The following WLS variants were observed in gnomAD, a reference collection of about 807,000 sequenced individuals.
WLS encodes the protein Wnt ligand secretion mediator, also known as protein wntless homolog.
In WLS, 23 loss-of-function variants were observed where a neutral mutation model predicts 62.8. That is an observed-to-expected ratio of 0.37 (90% CI 0.26 to 0.52). The LOEUF (loss-of-function observed/expected upper bound fraction) is 0.52. Among genes scored for constraint, WLS ranks in the 20% least tolerant of loss-of-function variants. The probability of loss-of-function intolerance (pLI) is 0.92; values close to 1 mark genes in which losing one functional copy is unlikely to be tolerated. For missense variants in WLS, 615 were observed against 697.3 expected (o/e 0.88, Z 1.33); for synonymous variants, 246 against 244.1 (o/e 1.01, Z -0.07).
chr1:68,098,464 G>T (rs1374385203), downstream of WLS: 8 of 1,077,684 alleles, frequency 7.4e-6, no homozygotes, highest in Non-Finnish European at 1.0e-5. Flanking sequence ...GGATGTAAGA[G>T]AAGTAAGACA....
intron 2 of WLS, among the ~76,000 whole-genome samples, chr1:68,188,602 C>A (rs1329288766): frequency 6.6e-6 from 1 of 152,116 alleles, no homozygotes; most frequent in Non-Finnish European, 1.5e-5. Flanking sequence ...ATAGAAAATA[C>A]CTAGGAAGGC....
In WLS at chr1:68,125,912, A is replaced by AC. The variant is rs765341589; in HGVS notation, c.*313dup. 1 of 1,011,690 alleles carries AC rather than the reference A, an allele frequency of 9.9e-7. No homozygotes were observed. Among genetic ancestry groups the AC allele is most frequent in the Non-Finnish European group, 1.2e-6 (1 of 836,314 alleles). 62.7% of individuals were successfully genotyped at this position (1,011,690 alleles called of 1,614,324 possible). On this transcript the variant is annotated 3_prime_UTR_variant, in exon 12 of 12. Coordinates refer to ENST00000262348, the MANE Select transcript of WLS (RefSeq NM_024911.7). Reference sequence around the variant, plus strand: ...ACCATCCCCCAAGGAATACACCCCCACCCCACCCCCACATGAGGTTTACTA... The same window carrying AC: ...ACCATCCCCCAAGGAATACACCCCCACCCCCACCCCCACATGAGGTTTACTA...
chr1:68,230,596 T>C (rs898447618), intron 1 of WLS, among the ~76,000 whole-genome samples: 5 of 151,702 alleles, frequency 3.3e-5, no homozygotes, highest in Non-Finnish European at 4.4e-5. Flanking sequence ...CGCGTGTGTG[T>C]GTGTGTGTGT....
In WLS at chr1:68,159,212, C is replaced by T. The variant is rs1646939901; in HGVS notation, c.415G>A (p.Ala139Thr). 6.2e-7 allele frequency: 1 copy of T among 1,614,014 alleles called. No individual in the cohort carries two copies. Among genetic ancestry groups the T allele is most frequent in the East Asian group, 2.2e-5 (1 of 44,874 alleles). ...TCAGCAAACGCGTCATCACGGTAAG[C>T]CAGGGAAACGTCCATGGAGACTTCT... ...NAEVSMDVSL[A>T]YRDDAFAEWT... is the part of the protein sequence containing the mutation. Residue 139 changes from alanine to threonine, a missense_variant, in exon 3 of 12, where the codon GCT (alanine) becomes ACT (threonine). Coordinates refer to ENST00000262348, the MANE Select transcript of WLS (RefSeq NM_024911.7).
chr1:68,182,995 G>A (rs1012678951), intron 2 of WLS, among the ~76,000 whole-genome samples: 1 of 152,148 alleles, frequency 6.6e-6, no homozygotes, highest in Non-Finnish European at 1.5e-5. Context: ...CCACCTCCCA[G>A]GTTCAAGTGA....
intron 11 of WLS, among the ~76,000 whole-genome samples, chr1:68,102,325 G>A (rs1021840458): frequency 6.6e-6 from 1 of 152,120 alleles, no homozygotes; most frequent in Admixed American, 6.5e-5. Context: ...TAAACAGCGG[G>A]CTCTCTTGTT....
intron 2 of WLS, among the ~76,000 whole-genome samples, chr1:68,183,078 G>A (rs907321247): frequency 6.6e-6 from 1 of 152,056 alleles, no homozygotes; most frequent in Non-Finnish European, 1.5e-5. Flanking sequence ...TTTTTGTATA[G>A]ACAGGGTTTC....
intron 1 of WLS, among the ~76,000 whole-genome samples, chr1:68,226,365 A>T (rs1650141785): frequency 1.3e-5 from 2 of 152,184 alleles, no homozygotes; most frequent in South Asian, 4.1e-4. Flanking sequence ...CAGTTCCCTT[A>T]CATGTAAAAG....
intron 11 of WLS, among the ~76,000 whole-genome samples, chr1:68,099,969 T>A (rs1316004147): frequency 6.6e-6 from 1 of 152,226 alleles, no homozygotes; most frequent in Non-Finnish European, 1.5e-5. Context: ...TTGGTGCACA[T>A]AAAGTTCTTA....
intron 2 of WLS, among the ~76,000 whole-genome samples, chr1:68,172,685 A>T (rs1197368866): frequency 2.6e-5 from 4 of 152,186 alleles, no homozygotes; most frequent in African/African-American, 9.7e-5. Context: ...CTTCTGGCTC[A>T]CCCTACTGAG....
At chr1:68,176,848 T>C (rs1028669489) in intron 2 of WLS, among the ~76,000 whole-genome samples, 1 of 152,210 alleles carries the variant, frequency 6.6e-6, no homozygotes, top group Non-Finnish European at 1.5e-5. Context: ...CAGAGGACAG[T>C]AGAGATTTAA....
At position 68,148,758 on chromosome 1, in the gene WLS, A is replaced by T. The variant is rs990651295; in HGVS notation, c.973-98T>A. On this transcript the variant is annotated intron_variant, in intron 6 of 11. Transcript: ENST00000262348. ...TTCGAAGGACACTTGCCGACCACCT[A>T]TTGTGTATCAAGCACTATGCTAGAT... The T allele has an allele frequency of 1.6e-5, 17 of 1,046,198 alleles. No homozygotes were observed. The African/African-American group carries it at 2.5e-4, about 16-fold the overall frequency. 64.8% of individuals were successfully genotyped at this position (1,046,198 alleles called of 1,614,324 possible). A position where few individuals can be genotyped will look rare whatever the true frequency, so the allele number is the denominator to read the frequency against.
intron 11 of WLS, among the ~76,000 whole-genome samples, chr1:68,118,314 A>G (rs1646320059): frequency 6.6e-6 from 1 of 152,208 alleles, no homozygotes; most frequent in Non-Finnish European, 1.5e-5. Flanking sequence ...TAAATGCAAA[A>G]TTCAATTTCT....
downstream of WLS, among the ~76,000 whole-genome samples, chr1:68,120,722 G>A (rs1261418407): frequency 2.9e-5 from 2 of 68,258 alleles, no homozygotes; most frequent in African/African-American, 1.1e-4. Flanking sequence ...GTGTGTGCGC[G>A]CGCGCACATG....
intron 11 of WLS, among the ~76,000 whole-genome samples, chr1:68,109,951 G>A (rs935743354): frequency 2.9e-5 from 4 of 136,958 alleles, no homozygotes; most frequent in African/African-American, 1.1e-4. Context: ...ATCCTAAACT[G>A]ATGGTGGGGA....
intron 10 of WLS, 25 bp from the exon 11 acceptor site, chr1:68,137,958 C>G (rs1442536424): frequency 3.1e-6 from 5 of 1,612,356 alleles, no homozygotes; most frequent in Admixed American, 1.7e-5. Context: ...TGGTGATATT[C>G]AATTGAAACA....
intron 11 of WLS, among the ~76,000 whole-genome samples, chr1:68,105,960 G>T (rs1271075963): frequency 1.3e-5 from 2 of 152,210 alleles, no homozygotes; most frequent in East Asian, 1.9e-4. Flanking sequence ...AAGAAAAGAT[G>T]GTGATACATA....
At chr1:68,123,355 C>T (rs375067181), downstream of WLS, among the ~76,000 whole-genome samples, 1 of 151,964 alleles carries the variant, frequency 6.6e-6, no homozygotes, top group Admixed American at 6.6e-5. Context: ...TTCTTTGAAA[C>T]CCCACATTTC....
chr1:68,177,013 G>A (rs1647287200), intron 2 of WLS, among the ~76,000 whole-genome samples: 1 of 152,126 alleles, frequency 6.6e-6, no homozygotes, highest in African/African-American at 2.4e-5. Flanking sequence ...CACTCCAAGA[G>A]GTTGTCTCCC....
Sources: allele counts gnomAD v4.1 joint callset (sites outside exome capture counted in the v4.1 genomes callset), GRCh38; gene constraint gnomAD v4.1.1; transcripts MANE v1.5; gene names NCBI Gene and HGNC (gene_info 2026-07-23, HGNC 2026-07-21).